Variants in ZBED2 observed in about 807,000 individuals in gnomAD.
ZBED2 encodes the protein zinc finger BED-type containing 2.
For missense variants in ZBED2, 285 were observed against 281.0 expected, an observed-to-expected ratio of 1.01 and a Z score of -0.10; for synonymous variants, 97 against 98.8, an observed-to-expected ratio of 0.98 and a Z score of 0.11.
Position 111,594,220 on chromosome 3 carries a change from T to C in ZBED2, c.-19A>G, listed in dbSNP as rs1464921309. 2.6e-6 allele frequency: 4 copies of C among 1,567,616 alleles called. No homozygotes were observed. Among genetic ancestry groups the C allele is most frequent in the Non-Finnish European group, 3.5e-6 (4 of 1,156,772 alleles). ...TCATCATGTCACCTCTTCTACAGCG[T>C]TCTTTATGATGTGCTTAGATGTGAG... On this transcript the variant is annotated 5_prime_UTR_variant, in exon 2 of 2. Transcript: ENST00000317012.
Position 111,593,908 on chromosome 3 carries a change from C to A in ZBED2, c.294G>T (p.Leu98=). The change falls in exon 2 of 2, where the codon CTG becomes CTT. Residue 98 remains leucine (L), a synonymous_variant. Coordinates refer to ENST00000317012, the MANE Select transcript of ZBED2 (RefSeq NM_024508.5). ...GPGVNVGTTA[L]WKHLKSMHRE... ...TGTGCATGCTTTTCAGATGCTTCCACAGTGCAGTGGTGCCCACGTTGACCC... is the reference window on the plus strand; with the variant it reads ...TGTGCATGCTTTTCAGATGCTTCCAAAGTGCAGTGGTGCCCACGTTGACCC... 2.5e-6 allele frequency: 4 copies of A among 1,613,768 alleles called. No homozygotes were observed. The highest frequency in any genetic ancestry group is 3.4e-6 in the Non-Finnish European group (4 of 1,180,048).
Position 111,593,406 on chromosome 3 carries a change from T to G in ZBED2, c.*139A>C. ...TTTGGTCAATTCAGACCTGCTCAGA[T>G]TAACTCATACTGTGCACTATTTCAC... On this transcript the variant is annotated 3_prime_UTR_variant, in exon 2 of 2. Coordinates refer to ENST00000317012, the MANE Select transcript of ZBED2 (RefSeq NM_024508.5). 1 of 1,069,106 alleles carries G rather than the reference T, an allele frequency of 9.4e-7. No homozygotes were observed. The highest frequency in any genetic ancestry group is 2.6e-5 in the East Asian group (1 of 37,936). The allele number at this position is 1,069,106 out of a possible 1,614,324, so 66.2% of individuals were successfully genotyped here. A position where few individuals can be genotyped will look rare whatever the true frequency, so the allele number is the denominator to read the frequency against.
rs747855810 is a variant in ZBED2, at chr3:111,594,228, G to T, written c.-27C>A. Reference sequence around the variant, plus strand: ...TCACCTCTTCTACAGCGTTCTTTATGATGTGCTTAGATGTGAGCCAAAAGC... The same window carrying T: ...TCACCTCTTCTACAGCGTTCTTTATTATGTGCTTAGATGTGAGCCAAAAGC... On this transcript the variant is annotated 5_prime_UTR_variant, in exon 2 of 2. Transcript: ENST00000317012. 3 of 1,527,612 alleles carry T rather than the reference G, an allele frequency of 2.0e-6. No individual in the cohort carries two copies. The highest frequency in any genetic ancestry group is 2.6e-5 in the South Asian group (2 of 77,352). 94.6% of individuals were successfully genotyped at this position (1,527,612 alleles called of 1,614,324 possible). A position where few individuals can be genotyped will look rare whatever the true frequency, so the allele number is the denominator to read the frequency against.
rs763244553 is a variant in ZBED2, at chr3:111,593,784, C to A, written c.418G>T (p.Gly140Cys). ...QLPTGIEGNWGRLLEQVGTMA... is the reference protein window; with the variant it reads ...QLPTGIEGNWCRLLEQVGTMA... ...GTGCCCACCTGCTCCAGGAGCCTAC[C>A]CCAGTTACCCTCAATGCCTGTGGGG... The change falls in exon 2 of 2, where the codon GGT becomes TGT. Residue 140 changes from glycine (G) to cysteine (C), a missense_variant. Transcript: ENST00000317012. 5 of 1,614,124 alleles carry A rather than the reference C, an allele frequency of 3.1e-6. No individual in the cohort carries two copies. In the African/African-American group the frequency reaches 5.3e-5, roughly 17 times the overall value.
Position 111,594,942 on chromosome 3 carries a change from G to A in ZBED2, c.-741C>T. Reference sequence around the variant, plus strand: ...CTAAGAAATCCAAAAAGCAAGCTCAGCTGTTTCAGCAGGAGGAGCTGGGAT... The same window carrying A: ...CTAAGAAATCCAAAAAGCAAGCTCAACTGTTTCAGCAGGAGGAGCTGGGAT... On this transcript the variant is annotated 5_prime_UTR_variant, in exon 2 of 2. Transcript: ENST00000317012. The A allele has an allele frequency of 6.0e-6, 1 of 167,314 alleles. No homozygotes were observed. The highest frequency in any genetic ancestry group is 1.5e-5 in the Non-Finnish European group (1 of 68,212). 10.4% of individuals were successfully genotyped at this position (167,314 alleles called of 1,614,324 possible).
chr3:111,594,356 G>T lies in ZBED2; in HGVS notation c.-155C>A, dbSNP rs559174880. The stretch of plus-strand genomic sequence containing the variant: ...GTCTGGCCACACCTGGGTGGTGTGA[G>T]GTTTCTTCCTTTCTGCTTCACTGGA... On this transcript the variant is annotated 5_prime_UTR_variant, in exon 2 of 2. Transcript: ENST00000317012. 4 of 873,954 alleles carry T rather than the reference G, an allele frequency of 4.6e-6. No homozygotes were observed. In the East Asian group the frequency reaches 1.0e-4, roughly 23 times the overall value. The allele number at this position is 873,954 out of a possible 1,614,324, so 54.1% of individuals were successfully genotyped here.
rs1937060835 is a variant in ZBED2, at chr3:111,592,916, TTAA to T, written c.*626_*628del. 6.6e-6 allele frequency: 1 copy of T among 152,156 alleles called. No individual in the cohort carries two copies. The highest frequency in any genetic ancestry group is 1.5e-5 in the Non-Finnish European group (1 of 68,032). The allele number at this position is 152,156 out of a possible 1,614,324, so 9.4% of individuals were successfully genotyped here. A position where few individuals can be genotyped will look rare whatever the true frequency, so the allele number is the denominator to read the frequency against. On this transcript the variant is annotated 3_prime_UTR_variant, in exon 2 of 2. Coordinates refer to ENST00000317012, the MANE Select transcript of ZBED2 (RefSeq NM_024508.5). ...CTCAGATTATACTGATGAAACAACT[TTAA>T]TATAAGCAAGAAAATACATTGCAGC...
In ZBED2 at chr3:111,594,061, G is replaced by A; in HGVS notation, c.141C>T (p.Pro47=). The A allele has an allele frequency of 6.2e-7, 1 of 1,614,124 alleles. No homozygotes were observed. The highest frequency in any genetic ancestry group is 8.5e-7 in the Non-Finnish European group (1 of 1,180,014). Residue 47 remains proline (P), a synonymous_variant, in exon 2 of 2, where the codon CCC becomes CCT. Coordinates refer to ENST00000317012, the MANE Select transcript of ZBED2 (RefSeq NM_024508.5). ...CAGAGAACCGGGTGCCCTTGTTGTG[G>A]GGCATTGGAGTGGGCATAGCACTCA... The part of the protein sequence containing the change: ...PFVSAMPTPM[P]HNKGTRFSEA...
Position 111,593,941 on chromosome 3 carries a change from A to G in ZBED2, c.261T>C (p.Arg87=), listed in dbSNP as rs1040902150. The change falls in exon 2 of 2, where the codon CGT becomes CGC. Residue 87 remains arginine (R), a synonymous_variant. Transcript: ENST00000317012. ...TCRLCGRQVS[R]GPGVNVGTTA... ...TGGTGCCCACGTTGACCCCAGGGCC[A>G]CGGCTCACCTGCCTGCCACACAGGC... is the stretch of plus-strand genomic sequence containing the variant. 1 of 1,614,016 alleles carries G rather than the reference A, an allele frequency of 6.2e-7. No individual in the cohort carries two copies. Among genetic ancestry groups the G allele is most frequent in the Non-Finnish European group, 8.5e-7 (1 of 1,180,026 alleles).
In ZBED2 at chr3:111,593,964, G is replaced by A. The variant is rs1390970966; in HGVS notation, c.238C>T (p.Leu80=). 2.5e-6 allele frequency: 4 copies of A among 1,614,024 alleles called. No homozygotes were observed. The highest frequency in any genetic ancestry group is 3.4e-6 in the Non-Finnish European group (4 of 1,180,052). Reference sequence around the variant, plus strand: ...CCACGGCTCACCTGCCTGCCACACAGGCGGCAGGTGGCATACTGGTTGGGA... The same window carrying A: ...CCACGGCTCACCTGCCTGCCACACAAGCGGCAGGTGGCATACTGGTTGGGA... ...HHPNQYATCR[L]CGRQVSRGPG... The change falls in exon 2 of 2, where the codon CTG becomes TTG. Residue 80 remains leucine (L), a synonymous_variant. Transcript: ENST00000317012.
chr3:111,593,820 C>T lies in ZBED2; in HGVS notation c.382G>A (p.Gly128Arg), dbSNP rs186768110. ...AGQRQDPRPHGPQLPTGIEGN... is the reference protein window; with the variant it reads ...AGQRQDPRPHRPQLPTGIEGN... ...TCAATGCCTGTGGGGAGCTGGGGCC[C>T]GTGGGGCCTTGGATCCTGGCGCTGC... The change falls in exon 2 of 2, where the codon GGG (glycine) becomes AGG (arginine). Residue 128 changes from glycine to arginine, a missense_variant. Gly to Arg is a moderately radical substitution (Grantham distance 125). Transcript: ENST00000317012. The T allele has an allele frequency of 1.9e-5, 30 of 1,614,166 alleles. No homozygotes were observed. Among genetic ancestry groups the T allele is most frequent in the East Asian group, 6.7e-5 (3 of 44,880 alleles).
At chr3:111,595,231 C>A (rs1054196918) in intron 1 of ZBED2, 69 bp downstream of exon 1, 1 of 152,332 alleles carries the variant, frequency 6.6e-6, no homozygotes, top group Non-Finnish European at 1.5e-5. Flanking sequence ...CTAATGAGAG[C>A]TTTATTTAAT....
Position 111,593,652 on chromosome 3 carries a change from C to A in ZBED2, c.550G>T (p.Val184Leu). Residue 184 changes from valine to leucine, a missense_variant, in exon 2 of 2, where the codon GTG (valine) becomes TTG (leucine). Transcript: ENST00000317012. ...VEKRERALEE[V>L]ERAILEMKWK... ...TTCATCTCCAGGATGGCCCTTTCCA[C>A]CTCCTCCAGGGCTCGCTCCCTTTTT... The A allele has an allele frequency of 1.2e-6, 2 of 1,607,002 alleles. No homozygotes were observed. The highest frequency in any genetic ancestry group is 1.1e-5 in the South Asian group (1 of 90,248).
rs972405605 is a variant in ZBED2 at position 111,593,435 on chromosome 3, A to C, written c.*110T>G. 1 of 1,379,484 alleles carries C rather than the reference A, an allele frequency of 7.2e-7. No homozygotes were observed. The highest frequency in any genetic ancestry group is 1.4e-5 in the African/African-American group (1 of 69,078). The allele number at this position is 1,379,484 out of a possible 1,614,324, so 85.5% of individuals were successfully genotyped here. ...CTCATACTGTGCACTATTTCACATA[A>C]AAGCAAAATGTCACCAAACTACTTT... is the stretch of plus-strand genomic sequence containing the variant. On this transcript the variant is annotated 3_prime_UTR_variant, in exon 2 of 2. Transcript: ENST00000317012.
rs774748507 is a variant in ZBED2, at chr3:111,593,798, A to G, written c.404T>C (p.Ile135Thr). 1.9e-6 allele frequency: 3 copies of G among 1,614,042 alleles called. No homozygotes were observed. Among genetic ancestry groups the G allele is most frequent in the Admixed American group, 1.7e-5 (1 of 60,026 alleles). The part of the protein sequence containing the change: ...RPHGPQLPTG[I>T]EGNWGRLLEQ... ...CAGGAGCCTACCCCAGTTACCCTCA[A>G]TGCCTGTGGGGAGCTGGGGCCCGTG... Residue 135 changes from isoleucine (I) to threonine (T), a missense_variant, in exon 2 of 2, where the codon ATT (isoleucine) becomes ACT (threonine). By Grantham distance (89) the Ile-to-Thr change is moderately conservative. Coordinates refer to ENST00000317012, the MANE Select transcript of ZBED2 (RefSeq NM_024508.5).
Position 111,594,333 on chromosome 3 carries a change from C to T in ZBED2, c.-132G>A. 3 of 1,096,322 alleles carry T rather than the reference C, an allele frequency of 2.7e-6. No homozygotes were observed. Among genetic ancestry groups the T allele is most frequent in the Non-Finnish European group, 3.9e-6 (3 of 768,808 alleles). 67.9% of individuals were successfully genotyped at this position (1,096,322 alleles called of 1,614,324 possible). On this transcript the variant is annotated 5_prime_UTR_variant, in exon 2 of 2. Transcript: ENST00000317012. ...GGGGATTCACAATAATGGCCAAAGT[C>T]TGGCCACACCTGGGTGGTGTGAGGT... is the stretch of plus-strand genomic sequence containing the variant.
At position 111,594,531 on chromosome 3, in the gene ZBED2, A is replaced by C; in HGVS notation, c.-330T>G. On this transcript the variant is annotated 5_prime_UTR_variant, in exon 2 of 2. Coordinates refer to ENST00000317012, the MANE Select transcript of ZBED2 (RefSeq NM_024508.5). ...GGGGTTCTCTGGTCCAACAATTACA[A>C]AGCTCTTTGATGAACTCAGTGTTTT... The C allele has an allele frequency of 1.2e-5, 3 of 253,248 alleles. No individual in the cohort carries two copies. The highest frequency in any genetic ancestry group is 2.4e-5 in the Non-Finnish European group (3 of 124,024). 15.7% of individuals were successfully genotyped at this position (253,248 alleles called of 1,614,324 possible).
rs1261507453 is a variant in ZBED2 at position 111,594,914 on chromosome 3, A to T, written c.-713T>A. On this transcript the variant is annotated 5_prime_UTR_variant, in exon 2 of 2. Coordinates refer to ENST00000317012, the MANE Select transcript of ZBED2 (RefSeq NM_024508.5). ...TTAGAGGTGTCTCTCAGAGGCCAGGAGTCTAAGAAATCCAAAAAGCAAGCT... is the reference window on the plus strand; with the variant it reads ...TTAGAGGTGTCTCTCAGAGGCCAGGTGTCTAAGAAATCCAAAAAGCAAGCT... 1 of 167,222 alleles carries T rather than the reference A, an allele frequency of 6.0e-6. No individual in the cohort carries two copies. The highest frequency in any genetic ancestry group is 6.5e-5 in the Admixed American group (1 of 15,290). 10.4% of individuals were successfully genotyped at this position (167,222 alleles called of 1,614,324 possible).
Position 111,594,246 on chromosome 3 carries a change from C to T in ZBED2, c.-45G>A. The T allele has an allele frequency of 6.6e-7, 1 of 1,516,870 alleles. No individual in the cohort carries two copies. Among genetic ancestry groups the T allele is most frequent in the Non-Finnish European group, 8.8e-7 (1 of 1,131,572 alleles). 94.0% of individuals were successfully genotyped at this position (1,516,870 alleles called of 1,614,324 possible). A position where few individuals can be genotyped will look rare whatever the true frequency, so the allele number is the denominator to read the frequency against. ...TCTTTATGATGTGCTTAGATGTGAG[C>T]CAAAAGCTTATTTGAACCACAAGAT... is the stretch of plus-strand genomic sequence containing the variant. On this transcript the variant is annotated 5_prime_UTR_variant, in exon 2 of 2. Coordinates refer to ENST00000317012, the MANE Select transcript of ZBED2 (RefSeq NM_024508.5).
Sources: allele counts gnomAD v4.1 joint callset, GRCh38; gene constraint gnomAD v4.1.1; transcripts MANE v1.5; gene names NCBI Gene and HGNC (gene_info 2026-07-23, HGNC 2026-07-21).